Variants in MICAL3 observed in about 807,000 individuals in gnomAD.
The protein encoded by MICAL3 is [F-actin]-monooxygenase MICAL3.
A neutral mutation model predicts 207.4 loss-of-function variants in MICAL3; 62 were observed. The observed-to-expected ratio is 0.30, with a 90% confidence interval of 0.24 to 0.37. The LOEUF (loss-of-function observed/expected upper bound fraction) is 0.37. MICAL3 is among the 10% of genes least tolerant of loss of function. The pLI is 1.00. For missense variants in MICAL3, 2,368 were observed against 2,635.6 expected (o/e 0.90, Z 2.22); for synonymous variants, 1,077 against 1,069.3 (o/e 1.01, Z -0.14).
chr22:17,818,015 C>G lies in MICAL3; in HGVS notation c.4646G>C (p.Cys1549Ser). ...LQEKFFTPPS[C>S]WPRPEKPRHP... Reference sequence around the variant, plus strand: ...GCGAGGCTTCTCGGGGCGCGGCCAGCAGGACGGGGGCGTGAAGAATTTCTC... The same window carrying G: ...GCGAGGCTTCTCGGGGCGCGGCCAGGAGGACGGGGGCGTGAAGAATTTCTC... Residue 1549 changes from cysteine to serine, a missense_variant, in exon 26 of 32, where the codon TGC (cysteine) becomes TCC (serine). Around this residue, in one of 4 missense-constraint regions of MICAL3, gnomAD observed 1,770 missense variants for 1,863.2 expected, o/e 0.95. Transcript: ENST00000441493. The G allele has an allele frequency of 6.2e-7, 1 of 1,612,354 alleles. No individual in the cohort carries two copies. The highest frequency in any genetic ancestry group is 2.2e-5 in the East Asian group (1 of 44,868).
intron 1 of MICAL3, among the ~76,000 whole-genome samples, chr22:17,999,313 T>G (rs1922664767): frequency 6.6e-6 from 1 of 152,174 alleles, no homozygotes; most frequent in Admixed American, 6.5e-5. Context: ...AAGAGCTCAA[T>G]TTTTCCTTAT....
At chr22:17,863,110 T>C (rs1926693388) in intron 19 of MICAL3, 1 of 984,746 alleles carries the variant, frequency 1.0e-6, no homozygotes, top group South Asian at 4.7e-5. Flanking sequence ...TCTTTAGAAC[T>C]CCTAAAAACC....
At chr22:17,824,356 G>A (rs367853032) in intron 22 of MICAL3, among the ~76,000 whole-genome samples, 4 of 152,320 alleles carry the variant, frequency 2.6e-5, no homozygotes, top group East Asian at 3.9e-4. Flanking sequence ...AACTGATGGC[G>A]CCCGGTTAGG....
At position 17,901,799 on chromosome 22, in the gene MICAL3, C is replaced by T. The variant is rs757915972; in HGVS notation, c.691+79G>A. On this transcript the variant is annotated intron_variant, in intron 5 of 31. Transcript: ENST00000441493. ...CTCTCAAAAGGGTGGACGCTGGTCA[C>T]GCACAGTCTCGCCCCAGAGGTAGGA... 6.5e-5 allele frequency: 72 copies of T among 1,104,286 alleles called. No homozygotes were observed. In the Admixed American group the frequency reaches 8.9e-4, roughly 14 times the overall value. The allele number at this position is 1,104,286 out of a possible 1,614,324, so 68.4% of individuals were successfully genotyped here. A position where few individuals can be genotyped will look rare whatever the true frequency, so the allele number is the denominator to read the frequency against.
intron 1 of MICAL3, among the ~76,000 whole-genome samples, chr22:18,011,095 C>G (rs368119461): frequency 3.0e-4 from 45 of 152,280 alleles, no homozygotes; most frequent in African/African-American, 1.0e-3. Context: ...TTGGAAACCC[C>G]CATGTGAGCA....
At chr22:17,956,119 T>C (rs1934602173) in intron 1 of MICAL3, among the ~76,000 whole-genome samples, 1 of 152,172 alleles carries the variant, frequency 6.6e-6, no homozygotes, top group Non-Finnish European at 1.5e-5. Context: ...GGCACACACA[T>C]GCCTGTGTCA....
chr22:17,931,724 C>T (rs1269491098), intron 1 of MICAL3, among the ~76,000 whole-genome samples: 1 of 152,178 alleles, frequency 6.6e-6, no homozygotes, highest in Non-Finnish European at 1.5e-5. Context: ...CAGCCTGTGG[C>T]ATTTAGAACC....
At chr22:17,978,734 G>A (rs1477854429) in intron 1 of MICAL3, among the ~76,000 whole-genome samples, 1 of 151,904 alleles carries the variant, frequency 6.6e-6, no homozygotes, top group South Asian at 2.1e-4. Context: ...GGCTAGGCTG[G>A]TCTCAAGCTC....
rs186261931 is a variant in MICAL3, at chr22:17,921,260, T to C, written c.-74-14374A>G. 1.8e-4 allele frequency among the ~76,000 whole-genome samples: 27 copies of C among 152,358 alleles called. No individual in the cohort carries two copies. In the East Asian group the frequency reaches 4.8e-3, roughly 27 times the overall value. On this transcript the variant is annotated intron_variant, in intron 1 of 31. Transcript: ENST00000441493. ...ATTCAGAGTCAAAGGCATGAATGAC[T>C]ATTTTTCCCTTCCCTCAACATGAAA...
Position 17,934,178 on chromosome 22 carries a change from C to T in MICAL3, c.-74-27292G>A, listed in dbSNP as rs570882142. Among the ~76,000 whole-genome samples, 3 of 152,322 alleles carry T rather than the reference C, an allele frequency of 2.0e-5. No homozygotes were observed. In the South Asian group the frequency reaches 6.2e-4, roughly 32 times the overall value. On this transcript the variant is annotated intron_variant, in intron 1 of 31. Coordinates refer to ENST00000441493, the MANE Select transcript of MICAL3 (RefSeq NM_015241.3). ...ACAAAAAAGAATTTTAGACCAATAT[C>T]CCTGATGAACATCAATGCGAAAATC...
intron 1 of MICAL3, among the ~76,000 whole-genome samples, chr22:17,913,832 CCAAA>C (rs1932295988): frequency 6.6e-6 from 1 of 152,080 alleles, no homozygotes. Context: ...TTCTGTCACC[CCAAA>C]CACATTAAAA....
chr22:17,795,552 C>A (rs1174048127), intron 29 of MICAL3, among the ~76,000 whole-genome samples: 1 of 152,216 alleles, frequency 6.6e-6, no homozygotes, highest in African/African-American at 2.4e-5. Context: ...TCCTCATACG[C>A]CCTTCCCAAC....
At chr22:17,821,633 A>T in intron 24 of MICAL3, 124 bp from the exon 25 acceptor site, 1 of 762,978 alleles carries the variant, frequency 1.3e-6, no homozygotes, top group Non-Finnish European at 2.1e-6. Flanking sequence ...GTCGGCTCCC[A>T]GTTCTCCTGG....
chr22:17,853,674 T>C lies in MICAL3; in HGVS notation c.2605+11225A>G, dbSNP rs535864296. ...GTGAAACTGAGGCTCACAGAGGTTA[T>C]GACAGCAAGCATGACAGGTGGCAGA... On this transcript the variant is annotated intron_variant, in intron 19 of 31. Coordinates refer to ENST00000441493, the MANE Select transcript of MICAL3 (RefSeq NM_015241.3). Among the ~76,000 whole-genome samples, 11 of 152,348 alleles carry C rather than the reference T, an allele frequency of 7.2e-5. No individual in the cohort carries two copies. The East Asian group carries it at 1.9e-3, about 27-fold the overall frequency.
chr22:17,847,666 G>A (rs1924779889), intron 19 of MICAL3, among the ~76,000 whole-genome samples: 1 of 152,222 alleles, frequency 6.6e-6, no homozygotes, highest in South Asian at 2.1e-4. Flanking sequence ...GGCGCTGATT[G>A]AAATGACTCA....
chr22:17,818,406 G>A lies in MICAL3; in HGVS notation c.4255C>T (p.Arg1419Cys), dbSNP rs190505393. The change falls in exon 26 of 32, where the codon CGC (arginine) becomes TGC (cysteine). Residue 1419 changes from arginine (R) to cysteine (C), a missense_variant. Transcript: ENST00000441493. ...CCAGAGCTGCTGGACAGCTCCCTGC[G>A]CTCCTCCTGGGCGCTGCGTAGCTCT... is the stretch of plus-strand genomic sequence containing the variant. ...DRELRSAQEE[R>C]RELSSSSGLG... is the part of the protein sequence containing the mutation. The A allele has an allele frequency of 2.0e-4, 326 of 1,611,554 alleles. 1 individual carries two copies. The African/African-American group carries it at 3.7e-3, about 18-fold the overall frequency.
intron 1 of MICAL3, among the ~76,000 whole-genome samples, chr22:17,945,015 T>C (rs989518774): frequency 6.6e-6 from 1 of 151,544 alleles, no homozygotes; most frequent in Non-Finnish European, 1.5e-5. Context: ...GACCTTTTTT[T>C]TTTTTTTTTT....
Position 17,791,307 on chromosome 22 carries a change from G to A in MICAL3, c.5651-6C>T, listed in dbSNP as rs372802728. 54 of 1,611,398 alleles carry A rather than the reference G, an allele frequency of 3.4e-5. No homozygotes were observed. Among genetic ancestry groups the A allele is most frequent in the Middle Eastern group, 1.7e-4 (1 of 6,060 alleles). ...GTCGTCCTTCTTGCCCATGCCTGCC[G>A]AGAGAACGCTTGTGTCGGGTGCAGG... is the stretch of plus-strand genomic sequence containing the variant. On this transcript the variant is annotated splice_region_variant and splice_polypyrimidine_tract_variant and intron_variant, in intron 29 of 31. Coordinates refer to ENST00000441493, the MANE Select transcript of MICAL3 (RefSeq NM_015241.3).
intron 1 of MICAL3, among the ~76,000 whole-genome samples, chr22:17,987,586 T>A (rs780121136): frequency 1.3e-5 from 2 of 152,150 alleles, no homozygotes; most frequent in African/African-American, 2.4e-5. Flanking sequence ...TACCCACCTG[T>A]ATGGAACAGC....
Sources: allele counts gnomAD v4.1 joint callset (sites outside exome capture counted in the v4.1 genomes callset), GRCh38; gene constraint gnomAD v4.1.1; regional missense constraint gnomAD v4.1.1; transcripts MANE v1.5; gene names NCBI Gene and HGNC (gene_info 2026-07-23, HGNC 2026-07-21).